The following WASHC5 variants were observed in gnomAD, a reference collection of about 807,000 sequenced individuals.
WASHC5 encodes WASH complex subunit strumpellin.
WASHC5 carries 101 observed loss-of-function variants against 150.4 expected under a neutral mutation model. The ratio of observed to expected loss-of-function variants is 0.67; its 90% confidence interval spans 0.57 to 0.79. WASHC5 has a LOEUF of 0.79. Among genes scored for constraint, WASHC5 ranks in the 30% least tolerant of loss-of-function variants. The probability of loss-of-function intolerance (pLI) is 0.00; values close to 1 mark genes in which losing one functional copy is unlikely to be tolerated. For missense variants in WASHC5, 1,195 were observed against 1,396.3 expected (o/e 0.86, Z 2.30); for synonymous variants, 467 against 491.2 (o/e 0.95, Z 0.65).
At chr8:125,073,089 T>G in intron 9 of WASHC5, 64 bp downstream of exon 9, 1 of 1,519,508 alleles carries the variant, frequency 6.6e-7, no homozygotes, top group Non-Finnish European at 9.1e-7. Flanking sequence ...CATCGTGAAG[T>G]AGGTCCTGAT....
rs1815640363 is a variant in WASHC5 at position 125,034,511 on chromosome 8, A to AT, written c.3182-2118_3182-2117insA. The stretch of plus-strand genomic sequence containing the variant: ...GAGTGAGACTCTGTTTCAGAAAAAA[A>AT]AAAAGAATGGCTAAAATGAAAATGA... On this transcript the variant is annotated intron_variant, in intron 26 of 28. Transcript: ENST00000318410. Among the ~76,000 whole-genome samples the AT allele has an allele frequency of 3.9e-5, 6 of 152,056 alleles. No individual in the cohort carries two copies. The South Asian group carries it at 1.2e-3, about 32-fold the overall frequency.
intron 17 of WASHC5, among the ~76,000 whole-genome samples, chr8:125,053,103 CTT>C (rs10616158): frequency 0.12 from 15,973 of 136,116 alleles, 1,958 homozygotes; most frequent in African/African-American, 0.32. Flanking sequence ...ACCTGTATTT[CTT>C]TTTTTTTTTT....
chr8:125,041,038 A>T (rs1474364357), intron 23 of WASHC5, among the ~76,000 whole-genome samples: 1 of 152,234 alleles, frequency 6.6e-6, no homozygotes, highest in Non-Finnish European at 1.5e-5. Flanking sequence ...TATTAACTAC[A>T]GTACTTTAAA....
chr8:125,030,078 A>G (rs1308239528), intron 27 of WASHC5, among the ~76,000 whole-genome samples: 4 of 152,212 alleles, frequency 2.6e-5, no homozygotes, highest in Admixed American at 1.3e-4. Flanking sequence ...AGGGTTGCCA[A>G]TAACATGCTG....
Position 125,078,768 on chromosome 8 carries a change from A to C in WASHC5, c.681T>G (p.Gly227=). 6.2e-7 allele frequency: 1 copy of C among 1,613,940 alleles called. No homozygotes were observed. The highest frequency in any genetic ancestry group is 8.5e-7 in the Non-Finnish European group (1 of 1,179,858). ...INESFISMVI[G]RLRSDDIYNQ... ...TGTAAATATCATCAGATCTCAGTCG[A>C]CCAATGACCATACTGATGAAGGATT... Residue 227 remains glycine (G), a synonymous_variant, in exon 6 of 29, where the codon GGT becomes GGG. Transcript: ENST00000318410.
At chr8:125,081,846 T>C in intron 4 of WASHC5, 85 bp from the exon 5 acceptor site, 1 of 822,638 alleles carries the variant, frequency 1.2e-6, no homozygotes, top group Non-Finnish European at 2.1e-6. Flanking sequence ...AAATATTGCT[T>C]TGCTCACACT....
intron 17 of WASHC5, among the ~76,000 whole-genome samples, chr8:125,051,589 G>A (rs944213476): frequency 6.6e-6 from 1 of 152,202 alleles, no homozygotes; most frequent in Non-Finnish European, 1.5e-5. Context: ...TGAATTAAAG[G>A]GAAAGAAAGG....
intron 27 of WASHC5, 39 bp downstream of exon 27, chr8:125,032,201 TG>T: frequency 1.2e-6 from 2 of 1,611,264 alleles, no homozygotes; most frequent in Non-Finnish European, 1.7e-6. Flanking sequence ...TTAGGTTTTG[TG>T]ACAAGAAGTC....
At chr8:125,088,445 G>C (rs577796697) in intron 1 of WASHC5, among the ~76,000 whole-genome samples, 6 of 150,188 alleles carry the variant, frequency 4.0e-5, no homozygotes, top group South Asian at 4.2e-4. Context: ...AAGGGGGAGG[G>C]GGGGAAGGAA....
intron 17 of WASHC5, among the ~76,000 whole-genome samples, chr8:125,052,973 A>T (rs2130067118): frequency 6.6e-6 from 1 of 152,358 alleles, no homozygotes; most frequent in Middle Eastern, 3.4e-3. Flanking sequence ...AATATCATCC[A>T]ACACAAAGCC....
At chr8:125,061,217 A>G (rs758160596) in intron 11 of WASHC5, 23 bp from the exon 12 acceptor site, 1 of 1,256,758 alleles carries the variant, frequency 8.0e-7, no homozygotes, top group Non-Finnish European at 1.2e-6. Flanking sequence ...AAATAAGAAA[A>G]TACTGAAATC....
chr8:125,073,923 T>C (rs1816975724), intron 8 of WASHC5, among the ~76,000 whole-genome samples: 3 of 152,234 alleles, frequency 2.0e-5, no homozygotes, highest in Non-Finnish European at 4.4e-5. Context: ...AGAAGTTCAA[T>C]TGCTTGTTCT....
At position 125,083,262 on chromosome 8, in the gene WASHC5, A is replaced by G. The variant is rs1563637178; in HGVS notation, c.187-4T>C. Reference sequence around the variant, plus strand: ...TGCTTTCCCATAATTCTGGACCCTGAGAAAAAAAAACACATGTGAAATGTC... The same window carrying G: ...TGCTTTCCCATAATTCTGGACCCTGGGAAAAAAAAACACATGTGAAATGTC... On this transcript the variant is annotated splice_region_variant and splice_polypyrimidine_tract_variant and intron_variant, in intron 2 of 28. Transcript: ENST00000318410. 3 of 1,611,462 alleles carry G rather than the reference A, an allele frequency of 1.9e-6. No homozygotes were observed. The African/African-American group carries it at 4.0e-5, about 22-fold the overall frequency.
intron 25 of WASHC5, among the ~76,000 whole-genome samples, chr8:125,038,178 G>A (rs1021091256): frequency 2.0e-5 from 3 of 152,128 alleles, no homozygotes; most frequent in Non-Finnish European, 2.9e-5. Flanking sequence ...CAAAACACAA[G>A]GGATAATACA....
At chr8:125,040,715 A>G (rs1295510998) in intron 23 of WASHC5, 1 of 152,230 alleles carries the variant, frequency 6.6e-6, no homozygotes, top group Non-Finnish European at 1.5e-5. Context: ...GTGAAGAAGG[A>G]CATGTTTGCT....
At chr8:125,047,358 G>GAAAAC (rs773816105) in intron 19 of WASHC5, 27 bp from the exon 20 acceptor site, 12 of 1,607,048 alleles carry the variant, frequency 7.5e-6, no homozygotes, top group Non-Finnish European at 7.7e-6. Flanking sequence ...TCAATATTTA[G>GAAAAC]TAAACCTTTG....
chr8:125,042,735 C>G (rs182918547), intron 23 of WASHC5, among the ~76,000 whole-genome samples: 78 of 152,244 alleles, frequency 5.1e-4, no homozygotes, highest in Admixed American at 5.1e-3. Flanking sequence ...CAATTAGAAA[C>G]TTGGCCTGGG....
intron 17 of WASHC5, 119 bp from the exon 18 acceptor site, chr8:125,050,784 G>A (rs1415143042): frequency 1.3e-6 from 1 of 747,008 alleles, no homozygotes; most frequent in East Asian, 2.6e-5. Context: ...CTCACTAAAT[G>A]ATTTGAATTT....
chr8:125,070,877 C>T (rs1467758314), intron 9 of WASHC5, among the ~76,000 whole-genome samples: 1 of 152,142 alleles, frequency 6.6e-6, no homozygotes, highest in Non-Finnish European at 1.5e-5. Context: ...TTCAAAGATA[C>T]GAAGGATGAG....
Sources: gnomAD v4.1 joint callset for allele counts (sites outside exome capture counted in the v4.1 genomes callset) on GRCh38, gnomAD v4.1.1 for gene constraint, MANE v1.5 for transcripts, NCBI Gene and HGNC (gene_info 2026-07-23, HGNC 2026-07-21) for gene names.